The following POGLUT3 variants were observed in gnomAD, a reference collection of about 807,000 sequenced individuals.
POGLUT3 encodes protein O-glucosyltransferase 3.
A neutral mutation model predicts 54.3 loss-of-function variants in POGLUT3; 48 were observed. The observed-to-expected ratio is 0.88, with a 90% confidence interval of 0.70 to 1.12. The LOEUF (loss-of-function observed/expected upper bound fraction) is 1.12. Ranked by LOEUF, POGLUT3 falls within the 50% of genes most tolerant of loss-of-function variation. POGLUT3 has a pLI of 0.00. For synonymous variants in POGLUT3, 218 were observed against 237.4 expected (o/e 0.92, Z 0.75); for missense variants, 629 against 618.7 (o/e 1.02, Z -0.18).
chr11:108,479,935 A>G (rs1215123191), intron 5 of POGLUT3, among the ~76,000 whole-genome samples: 1 of 151,962 alleles, frequency 6.6e-6, no homozygotes, highest in Non-Finnish European at 1.5e-5. Flanking sequence ...CTGGGTTCAT[A>G]CAATTCTGGT....
At chr11:108,475,115 A>C (rs529360124) in intron 7 of POGLUT3, among the ~76,000 whole-genome samples, 163 bp from the exon 8 acceptor site, 3 of 152,154 alleles carry the variant, frequency 2.0e-5, no homozygotes, top group Non-Finnish European at 4.4e-5. Context: ...TTACATTTTA[A>C]CTTTAGCTAT....
intron 2 of POGLUT3, among the ~76,000 whole-genome samples, chr11:108,489,641 G>A (rs1196851995): frequency 6.6e-6 from 1 of 152,136 alleles, no homozygotes; most frequent in African/African-American, 2.4e-5. Flanking sequence ...GGCAAACTAG[G>A]CCGGGCATGG....
rs2093591639 is a variant in POGLUT3 at position 108,481,225 on chromosome 11, C to A, written c.1053G>T (p.Lys351Asn). ...CCATCAACTTGGCTTTTCCAAGCTC[C>A]TTTTCTTTCTCTTGGAAAAAGAAAT... is the stretch of plus-strand genomic sequence containing the variant. ...TGYFFFQEKE[K>N]ELGKAKLMGF... The change falls in exon 5 of 8, where the codon AAG becomes AAT. Residue 351 changes from lysine (K) to asparagine (N), a missense_variant. Lys to Asn is a moderately conservative substitution (Grantham distance 94, BLOSUM62 0). Coordinates refer to ENST00000323468, the MANE Select transcript of POGLUT3 (RefSeq NM_153705.5). 13 of 1,610,706 alleles carry A rather than the reference C, an allele frequency of 8.1e-6. No individual in the cohort carries two copies. Among genetic ancestry groups the A allele is most frequent in the Non-Finnish European group, 1.1e-5 (13 of 1,179,166 alleles).
intron 5 of POGLUT3, 87 bp downstream of exon 5, chr11:108,481,093 T>A (rs2135849995): frequency 3.1e-6 from 3 of 954,824 alleles, no homozygotes; most frequent in Non-Finnish European, 4.8e-6. Context: ...ACAAGCCAGG[T>A]GAAATTTGCT....
intron 5 of POGLUT3, among the ~76,000 whole-genome samples, chr11:108,479,774 T>C (rs1401017809): frequency 6.6e-6 from 1 of 152,204 alleles, no homozygotes; most frequent in Non-Finnish European, 1.5e-5. Context: ...TCTGTAATAA[T>C]GGAATCCAGA....
Position 108,481,298 on chromosome 11 carries a change from T to G in POGLUT3, c.980A>C (p.Gln327Pro). The G allele has an allele frequency of 6.2e-7, 1 of 1,613,352 alleles. No individual in the cohort carries two copies. Among genetic ancestry groups the G allele is most frequent in the Non-Finnish European group, 8.5e-7 (1 of 1,179,672 alleles). ...TAGCTGAGGATTTTCTTTGGACAGCTGTACCAACTGGAGCCTCTCCTCTCG... is the reference window on the plus strand; with the variant it reads ...TAGCTGAGGATTTTCTTTGGACAGCGGTACCAACTGGAGCCTCTCCTCTCG... ...DSREERLQLVQLSKENPQLLD... is the reference protein window; with the variant it reads ...DSREERLQLVPLSKENPQLLD... The change falls in exon 5 of 8, where the codon CAG becomes CCG. Residue 327 changes from glutamine to proline, a missense_variant. Transcript: ENST00000323468.
Position 108,486,434 on chromosome 11 carries a change from A to T in POGLUT3, c.407T>A (p.Val136Glu). ...CGGACACTCACAGTACTCATGGTAC[A>T]CTGGTCCTAGGGAAGGAAAACATGA... ...AQSPYILKGP[V>E]YHEYCECPED... The change falls in exon 3 of 8, where the codon GTG becomes GAG. Residue 136 changes from valine (V) to glutamate (E), a missense_variant. Transcript: ENST00000323468. 6.2e-7 allele frequency: 1 copy of T among 1,613,404 alleles called. No homozygotes were observed.
chr11:108,489,845 C>T (rs1296227626), intron 2 of POGLUT3, among the ~76,000 whole-genome samples: 1 of 152,184 alleles, frequency 6.6e-6, no homozygotes, highest in Non-Finnish European at 1.5e-5. Flanking sequence ...ACTTGAGAGG[C>T]TGAGGCGGGA....
intron 1 of POGLUT3, among the ~76,000 whole-genome samples, chr11:108,493,524 C>A (rs967734256): frequency 6.6e-6 from 1 of 152,112 alleles, no homozygotes; most frequent in Admixed American, 6.6e-5. Context: ...TGAGGCTCAA[C>A]GGCAGGCGTG....
In POGLUT3 at chr11:108,486,312, G is replaced by A. The variant is rs560949111; in HGVS notation, c.529C>T (p.Gln177Ter). 7 of 1,614,126 alleles carry A rather than the reference G, an allele frequency of 4.3e-6. No homozygotes were observed. In the South Asian group the frequency reaches 7.7e-5, roughly 18 times the overall value. The change falls in exon 3 of 8, where the codon CAA becomes TAA. Residue 177 changes from glutamine (Q) to a stop codon, truncating the protein, a stop_gained. Transcript: ENST00000323468. LOFTEE classifies it high-confidence loss of function. The part of the protein sequence containing the change: ...FASFPSINLQ[Q>*]MLKEVPKRFG... ...CTTTTGGGGACTTCTTTTAGCATTTGCTGGAGATTGATGCTGGGAAAGGAA... is the reference window on the plus strand; with the variant it reads ...CTTTTGGGGACTTCTTTTAGCATTTACTGGAGATTGATGCTGGGAAAGGAA...
At chr11:108,489,264 G>C (rs2093608964) in intron 2 of POGLUT3, among the ~76,000 whole-genome samples, 1 of 152,180 alleles carries the variant, frequency 6.6e-6, no homozygotes, top group Non-Finnish European at 1.5e-5. Flanking sequence ...TGGGTAATTA[G>C]TATCCTTGAA....
At position 108,481,180 on chromosome 11, in the gene POGLUT3, C is replaced by T; in HGVS notation, c.1098G>A (p.Lys366=). Residue 366 remains lysine, a splice_region_variant and synonymous_variant, in exon 5 of 8, where the codon AAG becomes AAA. Transcript: ENST00000323468. ...AKLMGFFDFF[K]YKYQVNVDGT... ...CATAGAAGAAGACTCAAATGCATAC[C>T]TTAAAGAAATCAAAGAAACCCATCA... The T allele has an allele frequency of 6.2e-7, 1 of 1,604,968 alleles. No individual in the cohort carries two copies. The highest frequency in any genetic ancestry group is 1.1e-5 in the South Asian group (1 of 89,378).
chr11:108,487,039 G>A (rs1276843313), intron 2 of POGLUT3: 1 of 152,290 alleles, frequency 6.6e-6, no homozygotes, highest in Non-Finnish European at 1.5e-5. Flanking sequence ...CCTGCTACCT[G>A]GAAGCCTCAT....
intron 1 of POGLUT3, chr11:108,491,391 G>A (rs958473331): frequency 3.4e-6 from 2 of 586,014 alleles, no homozygotes; most frequent in African/African-American, 2.0e-5. Context: ...GTCTTGCTCT[G>A]TCATCCAGCT....
Position 108,482,021 on chromosome 11 carries a change from T to G in POGLUT3, c.886A>C (p.Ile296Leu). 2.5e-6 allele frequency: 4 copies of G among 1,613,504 alleles called. 1 individual carries two copies. Among genetic ancestry groups the G allele is most frequent in the Admixed American group, 3.3e-5 (2 of 59,998 alleles). The change falls in exon 4 of 8, where the codon ATT becomes CTT. Residue 296 changes from isoleucine (I) to leucine (L), a missense_variant. Physicochemically the swap from Ile to Leu is conservative, Grantham distance 5 (BLOSUM62 2). Transcript: ENST00000323468. ...MRGVTNDLLS[I>L]QGNTGPSWIN... ...CCCTGAATACCTGTATTTCCCTGAA[T>G]AGAGAGGAGATCATTTGTAACACCC... is the stretch of plus-strand genomic sequence containing the variant.
At chr11:108,488,244 C>T (rs1020453291) in intron 2 of POGLUT3, among the ~76,000 whole-genome samples, 17 of 151,938 alleles carry the variant, frequency 1.1e-4, no homozygotes, top group Non-Finnish European at 1.2e-4. Flanking sequence ...AGGTTGGTCT[C>T]GAACTCCTGA....
rs898330300 is a variant in POGLUT3 at position 108,472,954 on chromosome 11, C to A, written c.*1873G>T. 1.3e-5 allele frequency: 2 copies of A among 152,166 alleles called. No individual in the cohort carries two copies. Among genetic ancestry groups the A allele is most frequent in the African/African-American group, 2.4e-5 (1 of 41,434 alleles). The allele number at this position is 152,166 out of a possible 1,614,324, so 9.4% of individuals were successfully genotyped here. A position where few individuals can be genotyped will look rare whatever the true frequency, so the allele number is the denominator to read the frequency against. ...TTTGGTTATGCTTAGTCAAAAAATT[C>A]TGTTTATTGTTCTTCAGCAAGAATA... On this transcript the variant is annotated 3_prime_UTR_variant, in exon 8 of 8. Coordinates refer to ENST00000323468, the MANE Select transcript of POGLUT3 (RefSeq NM_153705.5).
chr11:108,479,410 T>G lies in POGLUT3; in HGVS notation c.1184A>C (p.Gln395Pro). ...GAAATGTTCATAATATGGCGAGTCCTGCTTTAAAACCAGACTGTCGCCCAG... is the reference window on the plus strand; with the variant it reads ...GAAATGTTCATAATATGGCGAGTCCGGCTTTAAAACCAGACTGTCGCCCAG... ...LMLGDSLVLK[Q>P]DSPYYEHFYM... Residue 395 changes from glutamine (Q) to proline (P), a missense_variant, in exon 6 of 8, where the codon CAG becomes CCG. Physicochemically the swap from Gln to Pro is moderately conservative, Grantham distance 76 (BLOSUM62 -1). Coordinates refer to ENST00000323468, the MANE Select transcript of POGLUT3 (RefSeq NM_153705.5). 6.2e-7 allele frequency: 1 copy of G among 1,613,010 alleles called. No individual in the cohort carries two copies. The highest frequency in any genetic ancestry group is 8.5e-7 in the Non-Finnish European group (1 of 1,179,830).
intron 6 of POGLUT3, among the ~76,000 whole-genome samples, chr11:108,478,428 A>G (rs888865808): frequency 2.0e-5 from 3 of 152,208 alleles, no homozygotes; most frequent in African/African-American, 7.2e-5. Context: ...TCTGCATAAC[A>G]GGAGAATGAA....
Sources: gnomAD v4.1 joint callset for allele counts (sites outside exome capture counted in the v4.1 genomes callset) on GRCh38, gnomAD v4.1.1 for gene constraint, MANE v1.5 for transcripts, NCBI Gene and HGNC (gene_info 2026-07-23, HGNC 2026-07-21) for gene names.